The following ACCSL variants were observed in gnomAD, a reference collection of about 807,000 sequenced individuals.
ACCSL encodes the protein 1-aminocyclopropane-1-carboxylate synthase homolog (inactive) like, also known as probable inactive 1-aminocyclopropane-1-carboxylate synthase-like protein 2.
ACCSL carries 55 observed loss-of-function variants against 61.7 expected under a neutral mutation model. That is an observed-to-expected ratio of 0.89 (90% CI 0.72 to 1.12). ACCSL has a LOEUF of 1.12. Ranked by LOEUF, ACCSL falls within the 50% of genes most tolerant of loss-of-function variation. ACCSL has a pLI of 0.00. For synonymous variants in ACCSL, 258 were observed against 264.3 expected (o/e 0.98, Z 0.23); for missense variants, 632 against 698.0 (o/e 0.91, Z 1.07).
chr11:44,027,185 G>T, the ACCSL span, among the ~76,000 whole-genome samples: 2 of 152,154 alleles, frequency 1.3e-5, no homozygotes, highest in African/African-American at 4.8e-5. Context: ...GTTCATTGGG[G>T]CATGTCTTTA....
the ACCSL span, among the ~76,000 whole-genome samples, chr11:43,939,900 C>T: frequency 9.6e-4 from 146 of 152,310 alleles, no homozygotes; most frequent in African/African-American, 3.4e-3. Context: ...AGCCACCGTG[C>T]CTGGACAGAG....
the ACCSL span, among the ~76,000 whole-genome samples, chr11:44,036,368 A>G: frequency 6.6e-6 from 1 of 152,230 alleles, no homozygotes; most frequent in Non-Finnish European, 1.5e-5. Flanking sequence ...GAACTTGGAC[A>G]AGATTGAGGA....
intron 11 of ACCSL, among the ~76,000 whole-genome samples, chr11:44,056,913 G>A (rs1952675303): frequency 6.6e-6 from 1 of 152,200 alleles, no homozygotes; most frequent in African/African-American, 2.4e-5. Flanking sequence ...ATGTGGGATG[G>A]CTAATCGTAC....
the ACCSL span, among the ~76,000 whole-genome samples, chr11:44,013,574 C>T: frequency 1.2e-4 from 18 of 152,228 alleles, no homozygotes; most frequent in Admixed American, 5.2e-4. Flanking sequence ...ATTACAGGCG[C>T]GAGCCACCAC....
chr11:43,949,862 T>C, the ACCSL span, among the ~76,000 whole-genome samples: 2 of 144,444 alleles, frequency 1.4e-5, no homozygotes, highest in Non-Finnish European at 3.1e-5. Flanking sequence ...CAACAAAACA[T>C]ACTTACCTCC....
the ACCSL span, among the ~76,000 whole-genome samples, chr11:43,970,196 T>G: frequency 6.6e-6 from 1 of 152,004 alleles, no homozygotes; most frequent in Non-Finnish European, 1.5e-5. Context: ...CGAGTGATCC[T>G]CATTGTAATA....
chr11:43,954,495 G>A, the ACCSL span, among the ~76,000 whole-genome samples: 1 of 152,096 alleles, frequency 6.6e-6, no homozygotes, highest in Non-Finnish European at 1.5e-5. Context: ...TGCATAGAGC[G>A]AGAAAATCTG....
chr11:43,956,395 CTCTT>C, the ACCSL span, among the ~76,000 whole-genome samples: 1 of 151,900 alleles, frequency 6.6e-6, no homozygotes, highest in East Asian at 1.9e-4. Flanking sequence ...TAGATCAGGT[CTCTT>C]TCTGTCATAA....
At chr11:43,994,526 G>C in the ACCSL span, among the ~76,000 whole-genome samples, 1 of 152,094 alleles carries the variant, frequency 6.6e-6, no homozygotes, top group African/African-American at 2.4e-5. Flanking sequence ...ATGTGTGTGT[G>C]TGTGTCTGTG....
At chr11:43,993,909 G>A in the ACCSL span, among the ~76,000 whole-genome samples, 9 of 152,230 alleles carry the variant, frequency 5.9e-5, no homozygotes, top group African/African-American at 2.2e-4. Flanking sequence ...GGACATGCAA[G>A]AAAAAGTATC....
chr11:43,944,416 A>T, the ACCSL span: 1 of 156,458 alleles, frequency 6.4e-6, no homozygotes, highest in Admixed American at 6.0e-5. Context: ...CCCTGACCGC[A>T]GTTGACCCAG....
the ACCSL span, among the ~76,000 whole-genome samples, chr11:43,946,740 A>C: frequency 6.6e-6 from 1 of 152,158 alleles, no homozygotes; most frequent in East Asian, 1.9e-4. Flanking sequence ...TATTTGTCCC[A>C]GTTTCTTAGT....
the ACCSL span, among the ~76,000 whole-genome samples, chr11:43,924,498 C>A: frequency 1.1e-4 from 17 of 152,350 alleles, no homozygotes; most frequent in Middle Eastern, 6.8e-3. Flanking sequence ...CTGCTCCCCG[C>A]AGGAAGGACG....
At chr11:44,011,936 A>T in the ACCSL span, among the ~76,000 whole-genome samples, 4 of 152,206 alleles carry the variant, frequency 2.6e-5, no homozygotes, top group Admixed American at 2.0e-4. Flanking sequence ...TTGTGCAATG[A>T]ATACTTGCTC....
chr11:43,943,147 G>A, the ACCSL span: 1 of 1,503,250 alleles, frequency 6.7e-7, no homozygotes, highest in Non-Finnish European at 8.9e-7. The surrounding 1 kb of genome is among the most constrained non-coding windows in gnomAD (Gnocchi z 4.8). Flanking sequence ...AGGCCAAGAA[G>A]TCGTTCCTGC....
At chr11:43,974,429 G>A in the ACCSL span, among the ~76,000 whole-genome samples, 2 of 152,066 alleles carry the variant, frequency 1.3e-5, no homozygotes, top group South Asian at 2.1e-4. Context: ...TTTGTCATTG[G>A]ATTTAGGGCC....
chr11:44,008,441 C>T, the ACCSL span, among the ~76,000 whole-genome samples: 10 of 152,234 alleles, frequency 6.6e-5, no homozygotes, highest in Non-Finnish European at 1.3e-4. Flanking sequence ...GGGCAAAAAG[C>T]AATGTCAGGA....
chr11:43,932,224 A>G, the ACCSL span, among the ~76,000 whole-genome samples: 24,550 of 152,176 alleles, frequency 0.16, 2,117 homozygotes, highest in Middle Eastern at 0.22. Flanking sequence ...ATGGGGCACA[A>G]ATGAGACTTC....
At chr11:43,945,207 G>A in the ACCSL span, 1 of 152,256 alleles carries the variant, frequency 6.6e-6, no homozygotes, top group South Asian at 2.1e-4. Context: ...ATCATGGCAG[G>A]AGACTCTTAA....
Sources: gnomAD v4.1 joint callset for allele counts (sites outside exome capture counted in the v4.1 genomes callset) on GRCh38, gnomAD v4.1.1 for gene constraint, Gnocchi (gnomAD v3.1) non-coding constraint, MANE v1.5 for transcripts, NCBI Gene and HGNC (gene_info 2026-07-23, HGNC 2026-07-21) for gene names.